HERC4: variants seen among roughly 807,000 people sequenced by gnomAD.
The protein encoded by HERC4 is probable E3 ubiquitin-protein ligase HERC4.
HERC4 carries 28 observed loss-of-function variants against 124.3 expected under a neutral mutation model. The observed-to-expected ratio is 0.23, with a 90% confidence interval of 0.17 to 0.31. The LOEUF (loss-of-function observed/expected upper bound fraction) is 0.31, where lower values mean the gene tolerates loss of function less well. HERC4 is among the 10% of genes least tolerant of loss of function. HERC4 has a pLI of 1.00. For synonymous variants in HERC4, 407 were observed against 421.5 expected (o/e 0.97, Z 0.42); for missense variants, 713 against 1,229.3 (o/e 0.58, Z 6.28).
At chr10:68,047,580 T>G (rs1036730636) in intron 3 of HERC4, among the ~76,000 whole-genome samples, 11 of 152,116 alleles carry the variant, frequency 7.2e-5, no homozygotes, top group East Asian at 1.9e-4. Context: ...AACTGACACC[T>G]CACCAAGGAA....
At chr10:67,984,412 G>A (rs1458161040) in intron 15 of HERC4, among the ~76,000 whole-genome samples, 1 of 152,002 alleles carries the variant, frequency 6.6e-6, no homozygotes, top group Non-Finnish European at 1.5e-5. Context: ...AATATCGCAT[G>A]TTCTCACTTA....
chr10:67,964,368 CTTT>C (rs1179137476), intron 16 of HERC4, among the ~76,000 whole-genome samples: 1 of 152,134 alleles, frequency 6.6e-6, no homozygotes, highest in Non-Finnish European at 1.5e-5. Flanking sequence ...GCTTTTTAAT[CTTT>C]GTGGATTTCT....
At chr10:68,059,937 TA>T (rs1476988264) in intron 3 of HERC4, among the ~76,000 whole-genome samples, 4 of 126,438 alleles carry the variant, frequency 3.2e-5, no homozygotes, top group Non-Finnish European at 6.3e-5. Context: ...TTATATATTA[TA>T]ATAATATTAT....
chr10:68,068,036 T>C (rs2041381174), intron 3 of HERC4: 1 of 152,172 alleles, frequency 6.6e-6, no homozygotes, highest in African/African-American at 2.4e-5. Context: ...AGCTTAGTTA[T>C]AAGATAGTAA....
At chr10:68,018,024 A>G (rs1233893411) in intron 8 of HERC4, among the ~76,000 whole-genome samples, 4 of 152,206 alleles carry the variant, frequency 2.6e-5, no homozygotes, top group East Asian at 3.8e-4. Flanking sequence ...ACATTCCTCA[A>G]TGTTATTTTA....
chr10:68,061,117 T>C (rs1311338187), intron 3 of HERC4, among the ~76,000 whole-genome samples: 1 of 152,180 alleles, frequency 6.6e-6, no homozygotes, highest in Admixed American at 6.6e-5. Context: ...AGCTCTTGCC[T>C]ACATTGCCCG....
rs771010638 is a variant in HERC4 at position 67,936,183 on chromosome 10, C to T, written c.2624G>A (p.Gly875Asp). 1 of 1,602,656 alleles carries T rather than the reference C, an allele frequency of 6.2e-7. No homozygotes were observed. The highest frequency in any genetic ancestry group is 1.3e-5 in the African/African-American group (1 of 74,642). ...ATEVKELVLN[G>D]ADTAVNKQNR... is the part of the protein sequence containing the mutation. ...TTGTTTGTTAACAGCTGTGTCTGCA[C>T]CATTTAGAACCAGCTCTTTCACTTC... Residue 875 changes from glycine (G) to aspartate (D), a missense_variant, in exon 22 of 25, where the codon GGT becomes GAT. Gly to Asp is a moderately conservative substitution (Grantham distance 94). Coordinates refer to ENST00000373700, the MANE Select transcript of HERC4 (RefSeq NM_015601.4).
chr10:68,039,861 A>C, intron 4 of HERC4: 1 of 998,328 alleles, frequency 1.0e-6, no homozygotes, highest in East Asian at 9.7e-5. Flanking sequence ...AAAAAAAAAC[A>C]CTATTCTGAG....
In HERC4 at chr10:68,032,746, GTAA is replaced by G. The variant is rs1335915700; in HGVS notation, c.777+29_777+31del. On this transcript the variant is annotated intron_variant, in intron 7 of 24. Coordinates refer to ENST00000373700, the MANE Select transcript of HERC4 (RefSeq NM_015601.4). ...ATTAATTATGAAAGAACTATGATGA[GTAA>G]TAATAAAGAAGTTTTAGAAGTACAA... is the stretch of plus-strand genomic sequence containing the variant. 9.4e-6 allele frequency: 10 copies of G among 1,066,454 alleles called. No individual in the cohort carries two copies. The South Asian group carries it at 1.2e-4, about 12-fold the overall frequency. The allele number at this position is 1,066,454 out of a possible 1,614,324, so 66.1% of individuals were successfully genotyped here.
intron 19 of HERC4, among the ~76,000 whole-genome samples, chr10:67,941,671 T>G: frequency 1.0e-5 from 1 of 97,136 alleles, no homozygotes; most frequent in East Asian, 5.8e-4. Context: ...AAACACAACT[T>G]TTTTTTTTTT....
chr10:67,989,990 T>C (rs963955374), intron 14 of HERC4, among the ~76,000 whole-genome samples: 68 of 152,100 alleles, frequency 4.5e-4, no homozygotes, highest in Non-Finnish European at 8.8e-5. Flanking sequence ...TCTGCTGTTA[T>C]GTTTAATTGA....
At chr10:68,010,992 A>C (rs2037918645) in intron 9 of HERC4, 1 of 758,174 alleles carries the variant, frequency 1.3e-6, no homozygotes, top group Admixed American at 2.3e-5. Flanking sequence ...CTTCGAATGA[A>C]GTCTTGAGCC....
chr10:67,962,403 T>C (rs1268352848), intron 16 of HERC4, among the ~76,000 whole-genome samples: 2 of 152,282 alleles, frequency 1.3e-5, no homozygotes, highest in East Asian at 3.9e-4. Flanking sequence ...TACATATCAT[T>C]ATACACTGGG....
At chr10:67,935,392 G>A (rs146577925) in intron 22 of HERC4, among the ~76,000 whole-genome samples, 2 of 152,224 alleles carry the variant, frequency 1.3e-5, no homozygotes, top group East Asian at 1.9e-4. Flanking sequence ...TGATCCGCCC[G>A]CCTCGGCCTC....
intron 10 of HERC4, 49 bp from the exon 11 acceptor site, chr10:67,992,372 C>G (rs1260890935): frequency 6.3e-7 from 1 of 1,578,248 alleles, no homozygotes; most frequent in Non-Finnish European, 8.6e-7. Context: ...TTATATATAA[C>G]TCAAAAACCA....
chr10:67,992,131 A>G, intron 11 of HERC4, 68 bp downstream of exon 11: 1 of 1,484,612 alleles, frequency 6.7e-7, no homozygotes. Context: ...TCCTGGGCTC[A>G]GGCAATCTGC....
chr10:68,063,010 TAGTA>T (rs2041109722), intron 3 of HERC4, among the ~76,000 whole-genome samples: 1 of 152,170 alleles, frequency 6.6e-6, no homozygotes, highest in Non-Finnish European at 1.5e-5. Context: ...ACTCTTCCCT[TAGTA>T]AGCCTCAAAC....
At position 67,922,306 on chromosome 10, in the gene HERC4, A is replaced by G. The variant is rs1479373577; in HGVS notation, c.*625T>C. 1.3e-5 allele frequency: 2 copies of G among 152,202 alleles called. No individual in the cohort carries two copies. Among genetic ancestry groups the G allele is most frequent in the African/African-American group, 4.8e-5 (2 of 41,468 alleles). 9.4% of individuals were successfully genotyped at this position (152,202 alleles called of 1,614,324 possible). ...AAAAGAACTGCAGGTTATGTAGTATATTCCCTATCTGTGATTTAGGTTTGC... is the reference window on the plus strand; with the variant it reads ...AAAAGAACTGCAGGTTATGTAGTATGTTCCCTATCTGTGATTTAGGTTTGC... On this transcript the variant is annotated 3_prime_UTR_variant, in exon 25 of 25. Transcript: ENST00000373700.
At chr10:67,992,371 A>G in intron 10 of HERC4, 48 bp from the exon 11 acceptor site, 1 of 1,580,558 alleles carries the variant, frequency 6.3e-7, no homozygotes, top group Non-Finnish European at 8.6e-7. Flanking sequence ...ATTATATATA[A>G]CTCAAAAACC....
Sources: allele counts gnomAD v4.1 joint callset (sites outside exome capture counted in the v4.1 genomes callset), GRCh38; gene constraint gnomAD v4.1.1; transcripts MANE v1.5; gene names NCBI Gene and HGNC (gene_info 2026-07-23, HGNC 2026-07-21).